Variants in IMMP2L observed in about 807,000 individuals in gnomAD.
IMMP2L encodes the protein mitochondrial inner membrane protease subunit 2.
A neutral mutation model predicts 19.3 loss-of-function variants in IMMP2L; 18 were observed. The ratio of observed to expected loss-of-function variants is 0.93; its 90% CI spans 0.64 to 1.38. The LOEUF (loss-of-function observed/expected upper bound fraction) is 1.38. Ranked by LOEUF, IMMP2L falls within the 40% of genes most tolerant of loss-of-function variation. IMMP2L has a pLI of 0.00. For synonymous variants in IMMP2L, 76 were observed against 73.0 expected, an observed-to-expected ratio of 1.04 and a Z score of -0.21; for missense variants, 233 against 218.2, an observed-to-expected ratio of 1.07 and a Z score of -0.43.
intron 5 of IMMP2L, among the ~76,000 whole-genome samples, chr7:110,847,509 T>C (rs893197463): frequency 6.6e-6 from 1 of 152,202 alleles, no homozygotes; most frequent in Non-Finnish European, 1.5e-5. Context: ...TAACTTGAGC[T>C]GTAGGTTCAA....
At chr7:110,864,608 A>C (rs1807800181) in intron 5 of IMMP2L, among the ~76,000 whole-genome samples, 6 of 152,078 alleles carry the variant, frequency 3.9e-5, no homozygotes. Context: ...CACAGAGTGC[A>C]AAAAGGGTTA....
chr7:110,919,904 T>C (rs936471896), intron 4 of IMMP2L, among the ~76,000 whole-genome samples: 2 of 152,080 alleles, frequency 1.3e-5, no homozygotes, highest in Admixed American at 1.3e-4. Context: ...ACTACGTAAA[T>C]TGCTGCCAGC....
chr7:110,994,546 T>C (rs930778098), intron 3 of IMMP2L, among the ~76,000 whole-genome samples: 6 of 152,090 alleles, frequency 3.9e-5, no homozygotes, highest in African/African-American at 1.2e-4. Context: ...TCTTTGACCA[T>C]ACTGATGCCA....
chr7:111,114,762 GA>G (rs555204081), intron 3 of IMMP2L, among the ~76,000 whole-genome samples: 1 of 145,752 alleles, frequency 6.9e-6, no homozygotes. Flanking sequence ...AAGAAAGAAA[GA>G]AAAAAAAAGA....
chr7:111,018,994 C>G (rs900479704), intron 3 of IMMP2L, among the ~76,000 whole-genome samples: 2 of 151,940 alleles, frequency 1.3e-5, no homozygotes, highest in East Asian at 3.9e-4. Context: ...TTCAAGCTAG[C>G]TAGGGGTGTA....
At chr7:111,468,226 A>G (rs1463545919) in intron 3 of IMMP2L, among the ~76,000 whole-genome samples, 2 of 152,180 alleles carry the variant, frequency 1.3e-5, no homozygotes, top group African/African-American at 4.8e-5. Context: ...TTCCAAGTAT[A>G]GAAAGCATAT....
At chr7:111,039,494 A>G (rs1791673892) in intron 3 of IMMP2L, among the ~76,000 whole-genome samples, 1 of 152,214 alleles carries the variant, frequency 6.6e-6, no homozygotes, top group Non-Finnish European at 1.5e-5. Flanking sequence ...ATGAGTAGGT[A>G]GATACCACCT....
intron 4 of IMMP2L, among the ~76,000 whole-genome samples, chr7:110,923,616 C>A (rs1357365490): frequency 1.3e-5 from 2 of 152,058 alleles, no homozygotes; most frequent in Non-Finnish European, 2.9e-5. Flanking sequence ...TTCACTAAGC[C>A]TTTTATATTT....
At chr7:111,086,447 T>C (rs962651871) in intron 3 of IMMP2L, among the ~76,000 whole-genome samples, 1 of 44,572 alleles carries the variant, frequency 2.2e-5, no homozygotes, top group African/African-American at 6.1e-5. Flanking sequence ...GTCTCAAAAA[T>C]AAAGAAAAAA....
chr7:110,983,559 T>C (rs984256380), intron 3 of IMMP2L, among the ~76,000 whole-genome samples: 1 of 152,064 alleles, frequency 6.6e-6, no homozygotes, highest in African/African-American at 2.4e-5. Flanking sequence ...TATATATCAT[T>C]GCAATCACTC....
intron 5 of IMMP2L, among the ~76,000 whole-genome samples, chr7:110,763,015 G>T (rs1798445020): frequency 6.6e-6 from 1 of 152,040 alleles, no homozygotes; most frequent in South Asian, 2.1e-4. Flanking sequence ...ATAGCTCCAT[G>T]GTAACAGATT....
At chr7:111,536,730 C>T (rs1847922435) in intron 1 of IMMP2L, among the ~76,000 whole-genome samples, 1 of 151,866 alleles carries the variant, frequency 6.6e-6, no homozygotes, top group African/African-American at 2.4e-5. Flanking sequence ...CACTAATTTC[C>T]AAAGAATAAT....
In IMMP2L at chr7:110,980,470, C is replaced by T. The variant is rs1214373633; in HGVS notation, c.240-16905G>A. Among the ~76,000 whole-genome samples the T allele has an allele frequency of 3.3e-5, 5 of 152,018 alleles. No homozygotes were observed. In the East Asian group the frequency reaches 7.8e-4, roughly 24 times the overall value. On this transcript the variant is annotated intron_variant, in intron 3 of 5. Transcript: ENST00000405709. ...TGACCTCGTGATCCGCCCGCCTCGG[C>T]CTCCCAGAGTGCTGGGATTACAAGC...
intron 3 of IMMP2L, among the ~76,000 whole-genome samples, chr7:111,308,311 G>A (rs1049483308): frequency 6.6e-6 from 1 of 151,836 alleles, no homozygotes; most frequent in African/African-American, 2.4e-5. Flanking sequence ...AAATCTAAAG[G>A]TAAAGTTTTA....
chr7:111,113,365 T>G (rs778408716), intron 3 of IMMP2L, among the ~76,000 whole-genome samples: 1 of 152,144 alleles, frequency 6.6e-6, no homozygotes, highest in Non-Finnish European at 1.5e-5. Flanking sequence ...CATTTACTTA[T>G]GGCAATCAAT....
intron 4 of IMMP2L, among the ~76,000 whole-genome samples, chr7:110,897,292 A>G (rs1220015998): frequency 2.6e-5 from 4 of 152,198 alleles, no homozygotes; most frequent in African/African-American, 9.6e-5. Context: ...ATATATAATG[A>G]AATGATTTTT....
At chr7:110,703,713 A>C (rs188013666) in intron 5 of IMMP2L, among the ~76,000 whole-genome samples, 1 of 152,318 alleles carries the variant, frequency 6.6e-6, no homozygotes, top group East Asian at 1.9e-4. Flanking sequence ...GATGTTTGCA[A>C]ATAGGTCTCT....
chr7:111,505,439 A>G (rs992882670), intron 2 of IMMP2L, among the ~76,000 whole-genome samples: 1 of 152,088 alleles, frequency 6.6e-6, no homozygotes, highest in Non-Finnish European at 1.5e-5. Flanking sequence ...ATCTAGAACT[A>G]GAAATACCAT....
intron 5 of IMMP2L, among the ~76,000 whole-genome samples, chr7:110,840,009 G>A (rs1226197520): frequency 1.3e-5 from 2 of 149,342 alleles, no homozygotes; most frequent in Admixed American, 6.6e-5. Context: ...GCTTTTGTTT[G>A]GAATTAGCCA....
Sources: allele counts gnomAD v4.1 joint callset (sites outside exome capture counted in the v4.1 genomes callset), GRCh38; gene constraint gnomAD v4.1.1; transcripts MANE v1.5; gene names NCBI Gene and HGNC (gene_info 2026-07-23, HGNC 2026-07-21).